The following HECTD4 variants were observed in gnomAD, a reference collection of about 807,000 sequenced individuals.
HECTD4 encodes HECT domain E3 ubiquitin protein ligase 4, also known as probable E3 ubiquitin-protein ligase HECTD4.
A neutral mutation model predicts 471.5 loss-of-function variants in HECTD4; 114 were observed. The ratio of observed to expected loss-of-function variants is 0.24; its 90% confidence interval spans 0.21 to 0.28. The LOEUF (loss-of-function observed/expected upper bound fraction) is 0.28, where lower values mean the gene tolerates loss of function less well. Among genes scored for constraint, HECTD4 ranks in the 10% least tolerant of loss-of-function variants. HECTD4 has a pLI of 1.00. For synonymous variants in HECTD4, 2,012 were observed against 2,256.0 expected (o/e 0.89, Z 3.07); for missense variants, 3,866 against 5,651.5 (o/e 0.68, Z 10.13).
chr12:112,198,066 C>G (rs923413971), intron 55 of HECTD4, among the ~76,000 whole-genome samples: 1 of 152,282 alleles, frequency 6.6e-6, no homozygotes, highest in East Asian at 1.9e-4. Context: ...AACTCCTGGC[C>G]TCAAGTGAAC....
intron 37 of HECTD4, among the ~76,000 whole-genome samples, chr12:112,234,625 C>T (rs1327757679): frequency 6.6e-6 from 1 of 152,180 alleles, no homozygotes; most frequent in Non-Finnish European, 1.5e-5. Context: ...CCATTTCATA[C>T]TTCAACTAAT....
At chr12:112,249,007 T>C (rs1292412432) in intron 25 of HECTD4, among the ~76,000 whole-genome samples, 5 of 152,078 alleles carry the variant, frequency 3.3e-5, no homozygotes, top group Non-Finnish European at 5.9e-5. Context: ...ATTGTCGGAG[T>C]CTTACGTTGG....
chr12:112,330,538 A>G (rs925980194), intron 1 of HECTD4, among the ~76,000 whole-genome samples: 4 of 152,232 alleles, frequency 2.6e-5, no homozygotes, highest in African/African-American at 9.6e-5. Flanking sequence ...TTTAAAAAGG[A>G]AACTGAACAG....
intron 58 of HECTD4, 93 bp downstream of exon 58, chr12:112,192,968 C>A: frequency 6.8e-7 from 1 of 1,460,364 alleles, no homozygotes; most frequent in South Asian, 1.2e-5. Context: ...ATTAAAGAAT[C>A]AGTGATTTGA....
chr12:112,289,005 C>A (rs1379268019), intron 7 of HECTD4, among the ~76,000 whole-genome samples: 2 of 152,214 alleles, frequency 1.3e-5, no homozygotes, highest in African/African-American at 4.8e-5. Context: ...TGTTAGAGGT[C>A]ATTTTATATT....
intron 9 of HECTD4, among the ~76,000 whole-genome samples, chr12:112,276,344 T>C (rs1480493866): frequency 2.0e-5 from 3 of 151,778 alleles, no homozygotes; most frequent in Non-Finnish European, 4.4e-5. Context: ...CTAAACACAA[T>C]TTAATAAGAC....
chr12:112,293,520 C>T (rs529328206), intron 7 of HECTD4, among the ~76,000 whole-genome samples: 7 of 150,466 alleles, frequency 4.7e-5, no homozygotes, highest in East Asian at 2.0e-4. Context: ...CCAGCCTGGG[C>T]GACAGAAAAA....
intron 7 of HECTD4, chr12:112,302,640 C>A: frequency 1.6e-6 from 1 of 609,480 alleles, no homozygotes; most frequent in Non-Finnish European, 2.9e-6. Context: ...GGGCCACCTT[C>A]TTCCCCTTGG....
chr12:112,301,791 C>T, intron 7 of HECTD4: 2 of 534,276 alleles, frequency 3.7e-6, no homozygotes, highest in Non-Finnish European at 6.5e-6. Flanking sequence ...TCTATTTCTT[C>T]AGCTAGCTGT....
chr12:112,244,188 T>C (rs2135581086), intron 29 of HECTD4, among the ~76,000 whole-genome samples, 179 bp from the exon 30 acceptor site: 1 of 151,048 alleles, frequency 6.6e-6, no homozygotes, highest in African/African-American at 2.4e-5. Context: ...AAGTATTAGG[T>C]TAAAAATTAT....
Position 112,163,763 on chromosome 12 carries a change from G to T in HECTD4, c.12702-26C>A. 1 of 1,430,722 alleles carries T rather than the reference G, an allele frequency of 7.0e-7. No individual in the cohort carries two copies. The highest frequency in any genetic ancestry group is 1.5e-5 in the South Asian group (1 of 65,786). The allele number at this position is 1,430,722 out of a possible 1,614,324, so 88.6% of individuals were successfully genotyped here. ...CTGCCCGGGTGAGGAGCACAGGTGA[G>T]GGAGAACACCGCCGAAGAGGCTGGG... On this transcript the variant is annotated intron_variant, in intron 73 of 75. Coordinates refer to ENST00000682272, the MANE Select transcript of HECTD4 (RefSeq NM_001388303.1). The surrounding 1 kb of genome is among the most constrained non-coding windows in gnomAD (Gnocchi z 8.2).
At chr12:112,202,390 GA>G (rs2032456441) in intron 54 of HECTD4, among the ~76,000 whole-genome samples, 1 of 151,818 alleles carries the variant, frequency 6.6e-6, no homozygotes. Flanking sequence ...ATTTTTAGTA[GA>G]GATGGGGTTT....
At chr12:112,200,884 CG>C in intron 54 of HECTD4, 86 bp from the exon 55 acceptor site, 1 of 697,476 alleles carries the variant, frequency 1.4e-6, no homozygotes, top group South Asian at 2.0e-5. Flanking sequence ...TGCGTGCGTG[CG>C]TGTGTGTGTG....
In HECTD4 at chr12:112,319,798, A is replaced by G; in HGVS notation, c.178-56T>C. The G allele has an allele frequency of 8.4e-7, 1 of 1,187,624 alleles. No homozygotes were observed. The highest frequency in any genetic ancestry group is 1.1e-6 in the Non-Finnish European group (1 of 945,310). 73.6% of individuals were successfully genotyped at this position (1,187,624 alleles called of 1,614,324 possible). On this transcript the variant is annotated intron_variant, in intron 1 of 75. Transcript: ENST00000682272. This position sits in a 1 kb window ranked among gnomAD's most constrained non-coding sequence, Gnocchi z 5.3. The stretch of plus-strand genomic sequence containing the variant: ...AATATTACTTTCACCAAAGTCATCT[A>G]AGGAAGAAAATATGTTTAATGATAT...
At position 112,163,647 on chromosome 12, in the gene HECTD4, G is replaced by C; in HGVS notation, c.12792C>G (p.Ala4264=). 6.5e-7 allele frequency: 1 copy of C among 1,540,850 alleles called. No homozygotes were observed. The highest frequency in any genetic ancestry group is 1.2e-5 in the South Asian group (1 of 82,982). Reference sequence around the variant, plus strand: ...GCAGGGGGATGATGGAGCCCAGGCCGGCCCGCACGGCCGTCACGCACTCCA... The same window carrying C: ...GCAGGGGGATGATGGAGCCCAGGCCCGCCCGCACGGCCGTCACGCACTCCA... ...QNVECVTAVR[A]GLGSIIPLQL... The change falls in exon 74 of 76, where the codon GCC becomes GCG. Residue 4264 remains alanine (A), a synonymous_variant. Coordinates refer to ENST00000682272, the MANE Select transcript of HECTD4 (RefSeq NM_001388303.1). This position sits in a 1 kb window ranked among gnomAD's most constrained non-coding sequence, Gnocchi z 8.2.
chr12:112,281,257 G>A (rs2034635335), intron 8 of HECTD4, among the ~76,000 whole-genome samples: 2 of 150,214 alleles, frequency 1.3e-5, no homozygotes, highest in Non-Finnish European at 2.9e-5. Flanking sequence ...AACATAACAA[G>A]ACCTCATGTT....
At chr12:112,191,832 C>A (rs1354925069) in intron 59 of HECTD4, among the ~76,000 whole-genome samples, 1 of 152,198 alleles carries the variant, frequency 6.6e-6, no homozygotes, top group East Asian at 1.9e-4. Flanking sequence ...TGCATTGTCT[C>A]AAGGACTGGG....
At chr12:112,266,590 C>G (rs2034276567) in intron 14 of HECTD4, among the ~76,000 whole-genome samples, 1 of 152,254 alleles carries the variant, frequency 6.6e-6, no homozygotes, top group Admixed American at 6.5e-5. Context: ...AAGCAATCCT[C>G]CTGCCTCAGA....
intron 2 of HECTD4, among the ~76,000 whole-genome samples, chr12:112,317,580 G>C (rs1248602627): frequency 6.6e-6 from 1 of 152,180 alleles, no homozygotes; most frequent in African/African-American, 2.4e-5. Context: ...CTGTTCTCTA[G>C]GCAATTAGTC....
Sources: gnomAD v4.1 joint callset for allele counts (sites outside exome capture counted in the v4.1 genomes callset) on GRCh38, gnomAD v4.1.1 for gene constraint, Gnocchi (gnomAD v3.1) non-coding constraint, MANE v1.5 for transcripts, NCBI Gene and HGNC (gene_info 2026-07-23, HGNC 2026-07-21) for gene names.